The following RFX4 variants were observed in gnomAD, a reference collection of about 807,000 sequenced individuals.
RFX4 encodes regulatory factor X4, also known as transcription factor RFX4.
In RFX4, 10 loss-of-function variants were observed where a neutral mutation model predicts 95.0. The observed-to-expected ratio is 0.11, with a 90% CI of 0.06 to 0.18. RFX4 has a LOEUF of 0.18. Ranked by LOEUF, RFX4 falls within the 10% of genes least tolerant of loss-of-function variation. The probability of loss-of-function intolerance (pLI) is 1.00; values close to 1 mark genes in which losing one functional copy is unlikely to be tolerated. For synonymous variants in RFX4, 321 were observed against 340.7 expected (o/e 0.94, Z 0.64); for missense variants, 640 against 922.0 (o/e 0.69, Z 3.96).
intron 1 of RFX4, among the ~76,000 whole-genome samples, chr12:106,592,735 G>A (rs559953114): frequency 7.2e-5 from 11 of 151,840 alleles, no homozygotes; most frequent in African/African-American, 1.9e-4. Context: ...CAAGTGAGCC[G>A]TTCTCTGGAA....
chr12:106,706,361 A>G (rs1456304685), intron 8 of RFX4, among the ~76,000 whole-genome samples: 2 of 152,202 alleles, frequency 1.3e-5, no homozygotes, highest in East Asian at 3.9e-4. Context: ...AATGTGGAAG[A>G]TGGAGTGGAG....
chr12:106,623,501 G>C (rs1267938055), intron 2 of RFX4, among the ~76,000 whole-genome samples: 1 of 152,158 alleles, frequency 6.6e-6, no homozygotes, highest in Non-Finnish European at 1.5e-5. Context: ...ATTGTGCCTT[G>C]TCATCTCCTT....
At chr12:106,734,472 T>G (rs2042672898) in intron 15 of RFX4, among the ~76,000 whole-genome samples, 1 of 151,838 alleles carries the variant, frequency 6.6e-6, no homozygotes. Flanking sequence ...AGCACATGCC[T>G]GTAATCCCAG....
intron 16 of RFX4, among the ~76,000 whole-genome samples, chr12:106,748,747 G>A (rs545169102): frequency 4.6e-5 from 7 of 151,440 alleles, no homozygotes; most frequent in South Asian, 2.1e-4. Flanking sequence ...TCAGGAGTTC[G>A]AGACCAGCCT....
intron 1 of RFX4, among the ~76,000 whole-genome samples, chr12:106,598,972 A>G (rs1362246855): frequency 6.6e-6 from 1 of 152,204 alleles, no homozygotes; most frequent in African/African-American, 2.4e-5. Flanking sequence ...TGGTTATGCA[A>G]TAATGTACAT....
chr12:106,604,586 T>C (rs1469022825), intron 1 of RFX4, among the ~76,000 whole-genome samples: 1 of 151,990 alleles, frequency 6.6e-6, no homozygotes, highest in Non-Finnish European at 1.5e-5. Context: ...TATAGATATG[T>C]GGATGTATCT....
At chr12:106,633,373 C>T (rs2040454281) in intron 2 of RFX4, among the ~76,000 whole-genome samples, 1 of 152,098 alleles carries the variant, frequency 6.6e-6, no homozygotes, top group Non-Finnish European at 1.5e-5. Context: ...AGATCTGTTT[C>T]CTTATTTATA....
At chr12:106,716,240 T>C (rs1019920257) in intron 11 of RFX4, among the ~76,000 whole-genome samples, 6 of 151,992 alleles carry the variant, frequency 3.9e-5, no homozygotes, top group Non-Finnish European at 8.8e-5. Context: ...CCTGGATCCA[T>C]AGGCGTCTAC....
intron 2 of RFX4, among the ~76,000 whole-genome samples, 162 bp downstream of exon 2, chr12:106,609,045 A>G (rs181337782): frequency 9.1e-4 from 138 of 152,266 alleles, no homozygotes; most frequent in African/African-American, 3.2e-3. Flanking sequence ...ATATTCCACA[A>G]TGGGGAGAGG....
intron 17 of RFX4, among the ~76,000 whole-genome samples, chr12:106,752,589 C>A (rs2043029763): frequency 6.6e-6 from 1 of 152,132 alleles, no homozygotes; most frequent in South Asian, 2.1e-4. Context: ...TGGTGCAGAC[C>A]CTCATGGAGT....
chr12:106,718,038 T>G (rs1466587483), intron 11 of RFX4, among the ~76,000 whole-genome samples: 3 of 152,218 alleles, frequency 2.0e-5, no homozygotes, highest in Non-Finnish European at 4.4e-5. Context: ...ATTTTAAAAG[T>G]GCACATTAGT....
chr12:106,681,973 A>C lies in RFX4; in HGVS notation c.316-20A>C. The C allele has an allele frequency of 6.2e-7, 1 of 1,614,016 alleles. No homozygotes were observed. Among genetic ancestry groups the C allele is most frequent in the Non-Finnish European group, 8.5e-7 (1 of 1,179,898 alleles). On this transcript the variant is annotated intron_variant, in intron 4 of 17. Transcript: ENST00000392842. ...CCCAACTCTTCCCAATGGGTAACTG[A>C]TTCTTGTGTTGACTTACAGATCATA... is the stretch of plus-strand genomic sequence containing the variant.
intron 15 of RFX4, among the ~76,000 whole-genome samples, chr12:106,742,222 T>C (rs1349364289): frequency 6.6e-6 from 1 of 152,218 alleles, no homozygotes; most frequent in African/African-American, 2.4e-5. Context: ...GGTCTCACTC[T>C]GTTGCCTAGC....
chr12:106,614,477 CTGTGTGTGTGTGTG>C (rs34226201), intron 2 of RFX4, among the ~76,000 whole-genome samples: 467 of 127,854 alleles, frequency 3.7e-3, no homozygotes, highest in African/African-American at 7.7e-3. Flanking sequence ...CGTCTTTTGC[CTGTGTGTGTGTGTG>C]TGTGTGTGTG....
At chr12:106,613,996 G>A (rs2040016300) in intron 2 of RFX4, among the ~76,000 whole-genome samples, 1 of 152,106 alleles carries the variant, frequency 6.6e-6, no homozygotes, top group African/African-American at 2.4e-5. Flanking sequence ...AAGTTTCAGT[G>A]TTTCACTTCC....
intron 3 of RFX4, among the ~76,000 whole-genome samples, chr12:106,644,911 C>T (rs184509870): frequency 2.0e-5 from 3 of 152,290 alleles, no homozygotes; most frequent in African/African-American, 7.2e-5. Context: ...GGACACTGGC[C>T]GCACCACTAA....
At chr12:106,601,193 C>CT (rs1372519153) in intron 1 of RFX4, 1 of 1,533,622 alleles carries the variant, frequency 6.5e-7, no homozygotes, top group African/African-American at 1.4e-5. Context: ...CAGCTGCTGG[C>CT]TTCCTGGGCT....
chr12:106,645,097 G>A (rs1489794220), intron 3 of RFX4, among the ~76,000 whole-genome samples: 2 of 151,096 alleles, frequency 1.3e-5, no homozygotes, highest in Admixed American at 6.6e-5. Flanking sequence ...CAGCCAAGCA[G>A]CCTAAAATAA....
intron 1 of RFX4, among the ~76,000 whole-genome samples, chr12:106,588,086 G>T (rs1269610620): frequency 6.6e-6 from 1 of 152,130 alleles, no homozygotes; most frequent in Admixed American, 6.6e-5. Context: ...CTTTACTGTA[G>T]AATCCAGGAA....
Sources: gnomAD v4.1 joint callset for allele counts (sites outside exome capture counted in the v4.1 genomes callset) on GRCh38, gnomAD v4.1.1 for gene constraint, MANE v1.5 for transcripts, NCBI Gene and HGNC (gene_info 2026-07-23, HGNC 2026-07-21) for gene names.